The following CALN1 variants were observed in gnomAD, a reference collection of about 807,000 sequenced individuals.
CALN1 encodes calcium-binding protein 8.
Under a neutral mutation model 30.6 loss-of-function variants are expected in CALN1, and 17 were observed. The observed-to-expected ratio is 0.56, with a 90% CI of 0.38 to 0.83. The LOEUF (loss-of-function observed/expected upper bound fraction) is 0.83, where lower values mean the gene tolerates loss of function less well. Ranked by LOEUF, CALN1 falls within the 40% of genes least tolerant of loss-of-function variation. CALN1 has a pLI of 0.00. For synonymous variants in CALN1, 156 were observed against 131.4 expected, an observed-to-expected ratio of 1.19 and a Z score of -1.28; for missense variants, 291 against 354.9, an observed-to-expected ratio of 0.82 and a Z score of 1.45.
chr7:72,098,229 C>T (rs1213603096), intron 4 of CALN1, among the ~76,000 whole-genome samples: 2 of 152,206 alleles, frequency 1.3e-5, no homozygotes, highest in East Asian at 3.9e-4. Context: ...GAATCTTGGT[C>T]CCCAACTGGT....
chr7:72,461,777 G>A, the CALN1 span, among the ~76,000 whole-genome samples: 4 of 152,192 alleles, frequency 2.6e-5, no homozygotes, highest in African/African-American at 4.8e-5. Flanking sequence ...GGAGGCCGAG[G>A]TGGGTGGATC....
intron 3 of CALN1, among the ~76,000 whole-genome samples, chr7:72,255,076 C>T (rs1795820852): frequency 6.8e-6 from 1 of 147,572 alleles, no homozygotes; most frequent in Non-Finnish European, 1.5e-5. Flanking sequence ...CAGGCATGAG[C>T]CACCATGCCC....
chr7:72,326,861 TCTGA>T (rs1409239390), intron 2 of CALN1, among the ~76,000 whole-genome samples: 5 of 152,196 alleles, frequency 3.3e-5, no homozygotes, highest in African/African-American at 7.2e-5. Context: ...ACTCAGTCTC[TCTGA>T]CTGAGTCTCC....
the CALN1 span, among the ~76,000 whole-genome samples, chr7:72,503,717 G>A: frequency 6.6e-6 from 1 of 152,066 alleles, no homozygotes; most frequent in Non-Finnish European, 1.5e-5. Flanking sequence ...AGACGAAACA[G>A]CCATGATCTC....
chr7:72,501,551 G>A, the CALN1 span, among the ~76,000 whole-genome samples: 1 of 136,632 alleles, frequency 7.3e-6, no homozygotes, highest in Non-Finnish European at 1.6e-5. Context: ...GAAGGAGGGA[G>A]GGAGGGAGGG....
chr7:71,936,103 C>T (rs946084426), intron 5 of CALN1, among the ~76,000 whole-genome samples: 3 of 152,160 alleles, frequency 2.0e-5, no homozygotes, highest in Non-Finnish European at 4.4e-5. Flanking sequence ...ATGGCATCAC[C>T]TGCTGAGTTA....
At chr7:71,948,642 A>G (rs1385331197) in intron 5 of CALN1, among the ~76,000 whole-genome samples, 1 of 151,550 alleles carries the variant, frequency 6.6e-6, no homozygotes, top group Non-Finnish European at 1.5e-5. Flanking sequence ...GAGGCATGAG[A>G]ATCGCTTGAA....
chr7:71,940,768 C>T (rs1428213676), intron 5 of CALN1, among the ~76,000 whole-genome samples: 2 of 152,012 alleles, frequency 1.3e-5, no homozygotes, highest in Non-Finnish European at 2.9e-5. Flanking sequence ...CAGACCACCA[C>T]GTCCAGATAA....
intron 3 of CALN1, among the ~76,000 whole-genome samples, chr7:72,181,482 A>G (rs913195987): frequency 4.1e-5 from 4 of 97,636 alleles, no homozygotes; most frequent in East Asian, 7.5e-4. Flanking sequence ...AAGGATTTCC[A>G]TAACTTTTTT....
chr7:72,497,845 C>T, the CALN1 span, among the ~76,000 whole-genome samples: 4 of 152,114 alleles, frequency 2.6e-5, no homozygotes, highest in African/African-American at 7.2e-5. Flanking sequence ...TAAATAGTAT[C>T]CCCACAGGCA....
intron 5 of CALN1, among the ~76,000 whole-genome samples, chr7:71,923,798 GT>G (rs11333090): frequency 0.56 from 84,345 of 151,728 alleles, 24,139 homozygotes; most frequent in African/African-American, 0.69. Flanking sequence ...AGACCACAGT[GT>G]TCCCCTCCCT....
chr7:72,045,232 AG>A (rs377470848), intron 4 of CALN1, among the ~76,000 whole-genome samples: 1 of 152,176 alleles, frequency 6.6e-6, no homozygotes, highest in African/African-American at 2.4e-5. Context: ...CTGCCAGGAA[AG>A]GGTAGGAAGA....
At chr7:71,880,610 C>G (rs1275160102) in intron 5 of CALN1, among the ~76,000 whole-genome samples, 1 of 152,184 alleles carries the variant, frequency 6.6e-6, no homozygotes, top group African/African-American at 2.4e-5. Context: ...TTATATACAA[C>G]TGCTTACGAA....
intron 5 of CALN1, among the ~76,000 whole-genome samples, chr7:71,979,278 A>G (rs1344925028): frequency 1.3e-5 from 2 of 152,148 alleles, no homozygotes; most frequent in East Asian, 3.8e-4. Context: ...TGTGCACTTT[A>G]CTTCTATTAT....
At chr7:72,441,418 T>G (rs1808339477) in intron 1 of CALN1, among the ~76,000 whole-genome samples, 1 of 151,834 alleles carries the variant, frequency 6.6e-6, no homozygotes, top group Non-Finnish European at 1.5e-5. Flanking sequence ...ACCAACAGGA[T>G]GAAACCCCGT....
At chr7:72,298,398 A>C (rs952720908) in intron 2 of CALN1, among the ~76,000 whole-genome samples, 28 of 152,160 alleles carry the variant, frequency 1.8e-4, no homozygotes, top group African/African-American at 6.0e-4. Flanking sequence ...TGTCTTTTGG[A>C]AGTCTGTTAA....
At chr7:72,132,965 G>C (rs1036680470) in intron 3 of CALN1, among the ~76,000 whole-genome samples, 1 of 152,202 alleles carries the variant, frequency 6.6e-6, no homozygotes, top group South Asian at 2.1e-4. Context: ...ATAGGAGCGG[G>C]TACCCTATTG....
intron 5 of CALN1, among the ~76,000 whole-genome samples, chr7:71,987,125 C>CAA (rs539710759): frequency 7.8e-6 from 1 of 127,828 alleles, no homozygotes; most frequent in South Asian, 2.5e-4. Flanking sequence ...AGCTTCGTGT[C>CAA]AAAAAAAAAA....
At chr7:72,043,399 G>T (rs1229000222) in intron 4 of CALN1, among the ~76,000 whole-genome samples, 1 of 152,074 alleles carries the variant, frequency 6.6e-6, no homozygotes, top group African/African-American at 2.4e-5. Flanking sequence ...ACATAATGCA[G>T]AACAATAAAA....
Sources: allele counts gnomAD v4.1 joint callset (sites outside exome capture counted in the v4.1 genomes callset), GRCh38; gene constraint gnomAD v4.1.1; transcripts MANE v1.5; gene names NCBI Gene and HGNC (gene_info 2026-07-23, HGNC 2026-07-21).